Variants in RAB3GAP1 observed in about 807,000 individuals in gnomAD.
RAB3GAP1 encodes RAB3 GTPase activating protein catalytic subunit 1.
RAB3GAP1 carries 86 observed loss-of-function variants against 130.7 expected under a neutral mutation model. The ratio of observed to expected loss-of-function variants is 0.66; its 90% CI spans 0.55 to 0.79. The LOEUF is 0.79. Ranked by LOEUF, RAB3GAP1 falls within the 30% of genes least tolerant of loss-of-function variation. The pLI is 0.00. For missense variants in RAB3GAP1, 1,029 were observed against 1,169.4 expected (o/e 0.88, Z 1.75); for synonymous variants, 367 against 401.7 (o/e 0.91, Z 1.03).
chr2:135,129,734 G>A (rs891308288), intron 11 of RAB3GAP1, among the ~76,000 whole-genome samples: 2 of 151,968 alleles, frequency 1.3e-5, no homozygotes, highest in African/African-American at 2.4e-5. Flanking sequence ...GTACTATTAG[G>A]TACAGTTATT....
chr2:135,092,784 C>T (rs1690185372), intron 4 of RAB3GAP1, among the ~76,000 whole-genome samples: 2 of 152,160 alleles, frequency 1.3e-5, no homozygotes, highest in Admixed American at 1.3e-4. Context: ...TGCAAGTGTA[C>T]ATATAAAGTG....
chr2:135,152,287 T>C (rs1692199139), intron 18 of RAB3GAP1, among the ~76,000 whole-genome samples: 1 of 152,238 alleles, frequency 6.6e-6, no homozygotes, highest in South Asian at 2.1e-4. Context: ...CATGCCCTTG[T>C]GGTACATACC....
downstream of RAB3GAP1, among the ~76,000 whole-genome samples, chr2:135,170,941 GTCTT>G (rs528853215): frequency 1.6e-4 from 25 of 152,196 alleles, no homozygotes; most frequent in South Asian, 5.2e-3. Flanking sequence ...TCTCGGCCAT[GTCTT>G]TCTTTGGTCA....
chr2:135,052,604 G>A lies in RAB3GAP1; in HGVS notation c.74+119G>A, dbSNP rs141445514. 347 of 1,191,024 alleles carry A rather than the reference G, an allele frequency of 2.9e-4. 1 individual carries two copies. In the African/African-American group the frequency reaches 4.8e-3, roughly 17 times the overall value. 73.8% of individuals were successfully genotyped at this position (1,191,024 alleles called of 1,614,324 possible). On this transcript the variant is annotated intron_variant, in intron 2 of 23. Transcript: ENST00000264158. ...TTGTGCGGGAACGGTAATACCGTGG[G>A]TCCCGGGTCTCCTCCCCCAGTCTTC...
chr2:135,116,275 C>T (rs61155684), intron 7 of RAB3GAP1, among the ~76,000 whole-genome samples: 21,114 of 151,624 alleles, frequency 0.14, 2,645 homozygotes, highest in African/African-American at 0.34. Flanking sequence ...ATGTATATTA[C>T]AATGAAGTAT....
chr2:135,167,935 G>T (rs1692706536), intron 23 of RAB3GAP1, among the ~76,000 whole-genome samples: 1 of 152,080 alleles, frequency 6.6e-6, no homozygotes, highest in Non-Finnish European at 1.5e-5. Flanking sequence ...AAAATTGTAG[G>T]CTGTAAATGA....
rs551889683 is a variant in RAB3GAP1, at chr2:135,131,883, A to G, written c.1237-1012A>G. On this transcript the variant is annotated intron_variant, in intron 13 of 23. Transcript: ENST00000264158. The stretch of plus-strand genomic sequence containing the variant: ...AAATCATACTCCCGGAAATTTGTGC[A>G]TTAAGACAATCTTGGGAAAAACCTT... Among the ~76,000 whole-genome samples, 4 of 152,362 alleles carry G rather than the reference A, an allele frequency of 2.6e-5. No individual in the cohort carries two copies. In the East Asian group the frequency reaches 7.7e-4, roughly 29 times the overall value.
chr2:135,079,329 C>T (rs1260997569), intron 3 of RAB3GAP1, among the ~76,000 whole-genome samples: 1 of 152,142 alleles, frequency 6.6e-6, no homozygotes, highest in Admixed American at 6.6e-5. Flanking sequence ...CTTCTCCATG[C>T]TTTCCCCTTC....
chr2:135,164,806 A>G (rs1692585806), intron 23 of RAB3GAP1, 110 bp downstream of exon 23: 4 of 803,796 alleles, frequency 5.0e-6, no homozygotes, highest in Non-Finnish European at 8.3e-6. Context: ...ACCTGAGTGT[A>G]AGTCTGGGCA....
chr2:135,055,485 TG>T (rs2104817815), intron 2 of RAB3GAP1, among the ~76,000 whole-genome samples: 1 of 152,116 alleles, frequency 6.6e-6, no homozygotes, highest in South Asian at 2.1e-4. Context: ...CAAGAGGAGC[TG>T]GGGCAGCATG....
At chr2:135,060,408 C>T (rs1488532801) in intron 3 of RAB3GAP1, among the ~76,000 whole-genome samples, 3 of 151,012 alleles carry the variant, frequency 2.0e-5, no homozygotes, top group South Asian at 4.2e-4. Context: ...TACAGGCACC[C>T]GCCACCACAC....
At position 135,168,573 on chromosome 2, in the gene RAB3GAP1, A is replaced by G; in HGVS notation, c.2738A>G (p.Glu913Gly). The G allele has an allele frequency of 6.2e-7, 1 of 1,614,046 alleles. No individual in the cohort carries two copies. The highest frequency in any genetic ancestry group is 8.5e-7 in the Non-Finnish European group (1 of 1,180,008). ...GCAGCTATGACTCCACCAGAGGAGGAATTGAAGAGAATGGGCTCCCCAGAG... is the reference window on the plus strand; with the variant it reads ...GCAGCTATGACTCCACCAGAGGAGGGATTGAAGAGAATGGGCTCCCCAGAG... Reference protein sequence around the residue: ...RAAAMTPPEEELKRMGSPEER... With the variant: ...RAAAMTPPEEGLKRMGSPEER... The change falls in exon 24 of 24, where the codon GAA (glutamate) becomes GGA (glycine). Residue 913 changes from glutamate to glycine, a missense_variant. This residue lies in a region of RAB3GAP1 where 146 missense variants were observed against 143.7 expected (regional missense o/e 1.02). Transcript: ENST00000264158.
chr2:135,165,185 T>C (rs1692601508), intron 23 of RAB3GAP1: 1 of 456,128 alleles, frequency 2.2e-6, no homozygotes, highest in Non-Finnish European at 4.4e-6. Flanking sequence ...TTCAGATTTT[T>C]AGGGCTGTGG....
chr2:135,172,520 G>T (rs1692882557), downstream of RAB3GAP1, among the ~76,000 whole-genome samples: 1 of 152,172 alleles, frequency 6.6e-6, no homozygotes, highest in Admixed American at 6.5e-5. Context: ...GTGAGACGAG[G>T]GGAGGTGAGA....
intron 3 of RAB3GAP1, 71 bp from the exon 4 acceptor site, chr2:135,090,927 C>A: frequency 1.4e-6 from 2 of 1,405,158 alleles, no homozygotes; most frequent in Non-Finnish European, 2.0e-6. Flanking sequence ...GGAAAATATC[C>A]CTGTCGTTAG....
rs1558790731 is a variant in RAB3GAP1, at chr2:135,130,082, G to A, written c.1061G>A (p.Gly354Asp). 26 of 1,610,676 alleles carry A rather than the reference G, an allele frequency of 1.6e-5. No homozygotes were observed. Among genetic ancestry groups the A allele is most frequent in the Non-Finnish European group, 2.0e-5 (23 of 1,177,318 alleles). The change falls in exon 12 of 24, where the codon GGC (glycine) becomes GAC (aspartate). Residue 354 changes from glycine (G) to aspartate (D), a missense_variant. By Grantham distance (94) the Gly-to-Asp change is moderately conservative (BLOSUM62 -1). Coordinates refer to ENST00000264158, the MANE Select transcript of RAB3GAP1 (RefSeq NM_012233.3). The stretch of plus-strand genomic sequence containing the variant: ...GGACGATCTGCATTTGAGGAAGAAG[G>A]CAAAGGTAACCTACATTTTTTTTTA... Reference protein sequence around the residue: ...ILGRSAFEEEGKETADITHAL... With the variant: ...ILGRSAFEEEDKETADITHAL...
intron 3 of RAB3GAP1, among the ~76,000 whole-genome samples, chr2:135,065,833 C>T (rs538380625): frequency 4.8e-5 from 7 of 146,850 alleles, no homozygotes; most frequent in Admixed American, 6.9e-5. Context: ...TGCAGTTGCG[C>T]GATCTCGGCT....
intron 3 of RAB3GAP1, among the ~76,000 whole-genome samples, chr2:135,062,967 G>A (rs557321567): frequency 1.3e-5 from 2 of 152,248 alleles, no homozygotes; most frequent in East Asian, 3.9e-4. Context: ...CACACAAATA[G>A]GGACAGTTTT....
chr2:135,133,996 A>C lies in RAB3GAP1; in HGVS notation c.1462A>C (p.Met488Leu). 2 of 1,613,964 alleles carry C rather than the reference A, an allele frequency of 1.2e-6. No homozygotes were observed. The highest frequency in any genetic ancestry group is 1.7e-6 in the Non-Finnish European group (2 of 1,179,846). The change falls in exon 15 of 24, where the codon ATG (methionine) becomes CTG (leucine). Residue 488 changes from methionine (M) to leucine (L), a missense_variant. This residue lies in a region of RAB3GAP1 where 373 missense variants were observed against 493.6 expected (regional missense o/e 0.76). Coordinates refer to ENST00000264158, the MANE Select transcript of RAB3GAP1 (RefSeq NM_012233.3). The part of the protein sequence containing the change: ...AHLWQEFVLE[M>L]RFRWENNFLI... The stretch of plus-strand genomic sequence containing the variant: ...CCTCTGGCAGGAATTTGTTCTTGAA[A>C]TGCGTTTCCGATGGGAAAACAACTT...
Sources: gnomAD v4.1 joint callset for allele counts (sites outside exome capture counted in the v4.1 genomes callset) on GRCh38, gnomAD v4.1.1 for gene constraint, gnomAD v4.1.1 regional missense constraint, MANE v1.5 for transcripts, NCBI Gene and HGNC (gene_info 2026-07-23, HGNC 2026-07-21) for gene names.